The following CRYBG3 variants were observed in gnomAD, a reference collection of about 807,000 sequenced individuals.
CRYBG3 encodes crystallin beta-gamma domain containing 3.
In CRYBG3, 127 loss-of-function variants were observed where a neutral mutation model predicts 244.2. The observed-to-expected ratio is 0.52, with a 90% CI of 0.45 to 0.60. CRYBG3 has a LOEUF of 0.60. Ranked by LOEUF, CRYBG3 falls within the 20% of genes least tolerant of loss-of-function variation. The pLI is 0.00. For synonymous variants in CRYBG3, 1,132 were observed against 1,195.8 expected (o/e 0.95, Z 1.10); for missense variants, 3,325 against 3,442.5 (o/e 0.97, Z 0.85).
chr3:97,898,016 C>T (rs778502716), intron 12 of CRYBG3, among the ~76,000 whole-genome samples: 24 of 151,606 alleles, frequency 1.6e-4, no homozygotes, highest in Non-Finnish European at 3.4e-4. Context: ...GTCAGGAGAT[C>T]GATATCATCC....
intron 17 of CRYBG3, among the ~76,000 whole-genome samples, chr3:97,931,871 A>G (rs17302656): frequency 0.15 from 22,237 of 151,874 alleles, 1,858 homozygotes; most frequent in Non-Finnish European, 0.19. Context: ...GACCTCATAT[A>G]TTGCACCAGT....
intron 19 of CRYBG3, among the ~76,000 whole-genome samples, chr3:97,939,645 A>G (rs970577103): frequency 6.6e-6 from 1 of 152,046 alleles, no homozygotes; most frequent in Admixed American, 6.6e-5. Context: ...TCATCTGTGA[A>G]GGTCACGCCT....
At position 97,896,058 on chromosome 3, in the gene CRYBG3, T is replaced by G. The variant is rs1453836895; in HGVS notation, c.7674T>G (p.Pro2558=). 1 of 1,613,008 alleles carries G rather than the reference T, an allele frequency of 6.2e-7. No individual in the cohort carries two copies. The highest frequency in any genetic ancestry group is 8.5e-7 in the Non-Finnish European group (1 of 1,179,414). The change falls in exon 12 of 22, where the codon CCT becomes CCG. Residue 2558 remains proline, a synonymous_variant. Coordinates refer to ENST00000389622, the MANE Select transcript of CRYBG3 (RefSeq NM_153605.4). The part of the protein sequence containing the change: ...DSNACGALSS[P]ILSFRYLQAN... ...ATGCTTGTGGTGCATTAAGTAGCCC[T>G]ATCTTGTCTTTCCGGTACTTACAAG...
At chr3:97,861,987 T>G in intron 2 of CRYBG3, among the ~76,000 whole-genome samples, 1 of 152,128 alleles carries the variant, frequency 6.6e-6, no homozygotes, top group South Asian at 2.1e-4. Flanking sequence ...AGGGAAAAAT[T>G]AAGCAACTAA....
At chr3:97,899,375 A>G (rs2039677906) in intron 14 of CRYBG3, 112 bp downstream of exon 14, 1 of 1,168,548 alleles carries the variant, frequency 8.6e-7, no homozygotes, top group Non-Finnish European at 1.2e-6. Context: ...GTGTGTATAT[A>G]GAAAGAAAAT....
At chr3:97,893,826 A>C (rs1559735705) in intron 11 of CRYBG3, among the ~76,000 whole-genome samples, 2 of 152,168 alleles carry the variant, frequency 1.3e-5, no homozygotes, top group Non-Finnish European at 2.9e-5. Context: ...TATTTTATTC[A>C]CAGAAGTTAA....
At chr3:97,862,291 T>A (rs2039162206) in intron 2 of CRYBG3, among the ~76,000 whole-genome samples, 1 of 152,170 alleles carries the variant, frequency 6.6e-6, no homozygotes, top group African/African-American at 2.4e-5. Flanking sequence ...AAAGTGGTAA[T>A]CTTGTTCATT....
chr3:97,890,295 A>G (rs1322068990), intron 10 of CRYBG3, among the ~76,000 whole-genome samples: 2 of 152,206 alleles, frequency 1.3e-5, no homozygotes, highest in Non-Finnish European at 2.9e-5. Flanking sequence ...ACAGTTTGCA[A>G]AGAGTCCTAG....
rs747379719 is a variant in CRYBG3, at chr3:97,941,287, G to A, written c.8645G>A (p.Arg2882Gln). 3.6e-5 allele frequency: 58 copies of A among 1,608,628 alleles called. No individual in the cohort carries two copies. The highest frequency in any genetic ancestry group is 4.0e-5 in the African/African-American group (3 of 74,610). The change falls in exon 20 of 22, where the codon CGA becomes CAA. Residue 2882 changes from arginine to glutamine, a missense_variant. By Grantham distance (43) the Arg-to-Gln change is conservative (BLOSUM62 1). Coordinates refer to ENST00000389622, the MANE Select transcript of CRYBG3 (RefSeq NM_153605.4). The part of the protein sequence containing the change: ...GKNTQIWYYC[R>Q]GLFKSKASDT... ...AATACTCAGATCTGGTACTACTGCC[G>A]AGGACTCTTTAAATCCAAGGTAAGC...
intron 19 of CRYBG3, among the ~76,000 whole-genome samples, chr3:97,937,313 TG>T (rs1162872808): frequency 6.6e-6 from 1 of 152,094 alleles, no homozygotes; most frequent in East Asian, 1.9e-4. Context: ...GCACACCTAC[TG>T]CTTGTCAGTC....
At chr3:97,845,267 A>G (rs996959461) in intron 2 of CRYBG3, among the ~76,000 whole-genome samples, 1 of 152,226 alleles carries the variant, frequency 6.6e-6, no homozygotes, top group South Asian at 2.1e-4. Flanking sequence ...GAGATACCCA[A>G]TGATGATGTC....
intron 2 of CRYBG3, among the ~76,000 whole-genome samples, chr3:97,844,561 T>C (rs1054764305): frequency 1.3e-5 from 2 of 152,186 alleles, no homozygotes; most frequent in African/African-American, 4.8e-5. Context: ...CCTTCCTGCT[T>C]TCCTTGCTCC....
chr3:97,844,616 C>T (rs2038872064), intron 2 of CRYBG3, among the ~76,000 whole-genome samples: 1 of 152,160 alleles, frequency 6.6e-6, no homozygotes, highest in Non-Finnish European at 1.5e-5. Context: ...TTAGCCTATA[C>T]CTGCTGGCTT....
intron 3 of CRYBG3, among the ~76,000 whole-genome samples, chr3:97,871,042 G>A (rs2039296166): frequency 3.9e-5 from 6 of 152,144 alleles, no homozygotes; most frequent in Admixed American, 3.9e-4. Flanking sequence ...GGCATTAAAG[G>A]GCAGAGAATG....
intron 11 of CRYBG3, among the ~76,000 whole-genome samples, chr3:97,894,658 C>T (rs373489859): frequency 1.1e-4 from 16 of 152,000 alleles, no homozygotes; most frequent in Admixed American, 2.6e-4. Context: ...AATAAATTTG[C>T]GAATCTTAAT....
At chr3:97,863,023 A>G (rs2039172996) in intron 2 of CRYBG3, among the ~76,000 whole-genome samples, 1 of 152,194 alleles carries the variant, frequency 6.6e-6, no homozygotes, top group Admixed American at 6.6e-5. Flanking sequence ...ACTTAGATCA[A>G]AACATGGAAT....
intron 1 of CRYBG3, among the ~76,000 whole-genome samples, chr3:97,842,921 T>G (rs1238058877): frequency 6.6e-6 from 1 of 152,202 alleles, no homozygotes; most frequent in East Asian, 1.9e-4. Flanking sequence ...AGGTGCTCTT[T>G]TGTTCAGATA....
intron 20 of CRYBG3, chr3:97,941,983 G>A (rs2040240661): frequency 4.8e-6 from 1 of 207,998 alleles, no homozygotes; most frequent in Admixed American, 5.9e-5. Flanking sequence ...TAAGCAAACA[G>A]GGATTTAACA....
chr3:97,871,084 G>C (rs766650124), intron 3 of CRYBG3, among the ~76,000 whole-genome samples: 1 of 152,136 alleles, frequency 6.6e-6, no homozygotes, highest in Non-Finnish European at 1.5e-5. Flanking sequence ...ATAGTATGGC[G>C]TGATGTGAGA....
Sources: allele counts gnomAD v4.1 joint callset (sites outside exome capture counted in the v4.1 genomes callset), GRCh38; gene constraint gnomAD v4.1.1; transcripts MANE v1.5; gene names NCBI Gene and HGNC (gene_info 2026-07-23, HGNC 2026-07-21).